Variants in TLCD4 observed in about 807,000 individuals in gnomAD.
TLCD4 encodes TLC domain containing 4, also known as TLC domain-containing protein 4.
TLCD4 carries 7 observed loss-of-function variants against 24.2 expected under a neutral mutation model. That is an observed-to-expected ratio of 0.29 (90% CI 0.16 to 0.54). The LOEUF is 0.54. Among genes scored for constraint, TLCD4 ranks in the 20% least tolerant of loss-of-function variants. The pLI, the probability that TLCD4 is intolerant of heterozygous loss-of-function variation, is 0.95. For missense variants in TLCD4, 259 were observed against 313.9 expected (o/e 0.82, Z 1.32); for synonymous variants, 103 against 106.4 (o/e 0.97, Z 0.20).
chr1:95,095,580 G>A, the TLCD4 span, among the ~76,000 whole-genome samples: 5 of 152,012 alleles, frequency 3.3e-5, no homozygotes, highest in African/African-American at 1.2e-4. Context: ...TGTATTTTTA[G>A]TAGAGACAGG....
chr1:95,098,929 C>T, the TLCD4 span, among the ~76,000 whole-genome samples: 100 of 151,568 alleles, frequency 6.6e-4, no homozygotes, highest in Admixed American at 2.6e-4. Flanking sequence ...GGTGTGGTGG[C>T]GCATGCCTGT....
In TLCD4 at chr1:95,186,478, C is replaced by T. The variant is rs377441277; in HGVS notation, c.474-5072C>T. 1.1e-4 allele frequency among the ~76,000 whole-genome samples: 16 copies of T among 151,938 alleles called. 1 individual carries two copies. The highest frequency in any genetic ancestry group is 8.5e-4 in the Admixed American group (13 of 15,248). Reference sequence around the variant, plus strand: ...GATTAGGTAGGAAAGGAAGTGAAAGCGTGGAGGCTGATAGAGAGAGATTTG... The same window carrying T: ...GATTAGGTAGGAAAGGAAGTGAAAGTGTGGAGGCTGATAGAGAGAGATTTG... On this transcript the variant is annotated intron_variant, in intron 6 of 6. Coordinates refer to ENST00000370203, the MANE Select transcript of TLCD4 (RefSeq NM_152487.3).
chr1:95,172,037 A>G (rs1253960657), intron 5 of TLCD4, among the ~76,000 whole-genome samples: 1 of 152,224 alleles, frequency 6.6e-6, no homozygotes, highest in Non-Finnish European at 1.5e-5. Flanking sequence ...AAGGAACTGC[A>G]GGAAGCTGGC....
At position 95,197,050 on chromosome 1, in the gene TLCD4, G is replaced by C. The variant is rs956595397; in HGVS notation, c.*5182G>C. Reference sequence around the variant, plus strand: ...AAATAGAACTATAGTGATATATATAGATACATAGATATATACTTTTTTCTG... The same window carrying C: ...AAATAGAACTATAGTGATATATATACATACATAGATATATACTTTTTTCTG... On this transcript the variant is annotated 3_prime_UTR_variant, in exon 7 of 7. Coordinates refer to ENST00000370203, the MANE Select transcript of TLCD4 (RefSeq NM_152487.3). 1 of 151,980 alleles carries C rather than the reference G, an allele frequency of 6.6e-6. No homozygotes were observed. The highest frequency in any genetic ancestry group is 1.5e-5 in the Non-Finnish European group (1 of 67,990). 9.4% of individuals were successfully genotyped at this position (151,980 alleles called of 1,614,324 possible).
chr1:95,106,807 C>T, the TLCD4 span, among the ~76,000 whole-genome samples: 16 of 152,154 alleles, frequency 1.1e-4, no homozygotes, highest in Non-Finnish European at 1.9e-4. Flanking sequence ...TTTTCAAAAC[C>T]GTTACTTGCT....
At chr1:95,142,604 G>C (rs1677234830) in intron 1 of TLCD4, among the ~76,000 whole-genome samples, 1 of 152,110 alleles carries the variant, frequency 6.6e-6, no homozygotes, top group African/African-American at 2.4e-5. Context: ...TTAAATACCT[G>C]CTACAGGTTT....
intron 4 of TLCD4, among the ~76,000 whole-genome samples, chr1:95,150,687 T>A (rs1400866811): frequency 6.6e-6 from 1 of 152,118 alleles, no homozygotes; most frequent in Non-Finnish European, 1.5e-5. Context: ...TTTCTTTGTT[T>A]TTCTTTTTAA....
chr1:95,129,713 G>T (rs1156265060), intron 1 of TLCD4, among the ~76,000 whole-genome samples: 1 of 152,186 alleles, frequency 6.6e-6, no homozygotes, highest in East Asian at 1.9e-4. Flanking sequence ...TTGCACTCCA[G>T]CCTGGGCAAC....
At chr1:95,177,632 G>A (rs1678478247) in intron 6 of TLCD4, among the ~76,000 whole-genome samples, 1 of 152,010 alleles carries the variant, frequency 6.6e-6, no homozygotes, top group South Asian at 2.1e-4. Flanking sequence ...AACCTGTGAG[G>A]TCTCTAAGTG....
chr1:95,148,380 G>T (rs7532269), intron 2 of TLCD4, among the ~76,000 whole-genome samples: 149,745 of 152,326 alleles, frequency 0.98, 73,649 homozygotes, highest in East Asian at 1. Context: ...TTGCCATCTG[G>T]CTGCACAAAA....
rs969434619 is a variant in TLCD4, at chr1:95,192,518, A to T, written c.*650A>T. Reference sequence around the variant, plus strand: ...ATGATAATCTGGTACAAATGGTTTTATGTCACCAATTTTGCTGCAAGAATG... The same window carrying T: ...ATGATAATCTGGTACAAATGGTTTTTTGTCACCAATTTTGCTGCAAGAATG... On this transcript the variant is annotated 3_prime_UTR_variant, in exon 7 of 7. Coordinates refer to ENST00000370203, the MANE Select transcript of TLCD4 (RefSeq NM_152487.3). 1 of 152,198 alleles carries T rather than the reference A, an allele frequency of 6.6e-6. No individual in the cohort carries two copies. Among genetic ancestry groups the T allele is most frequent in the African/African-American group, 2.4e-5 (1 of 41,460 alleles). The allele number at this position is 152,198 out of a possible 1,614,324, so 9.4% of individuals were successfully genotyped here.
intron 6 of TLCD4, 98 bp from the exon 7 acceptor site, chr1:95,191,452 C>T (rs1488227271): frequency 2.8e-6 from 4 of 1,436,468 alleles, no homozygotes; most frequent in Non-Finnish European, 3.7e-6. Flanking sequence ...GCCCTTTGCT[C>T]CTCCTTCACT....
intron 5 of TLCD4, among the ~76,000 whole-genome samples, chr1:95,159,499 C>A (rs1677722989): frequency 6.6e-6 from 1 of 152,134 alleles, no homozygotes; most frequent in Admixed American, 6.6e-5. Flanking sequence ...TGCAGAAGCT[C>A]TTTAGTTTAA....
the TLCD4 span, among the ~76,000 whole-genome samples, chr1:95,096,772 T>A: frequency 2.6e-5 from 4 of 152,186 alleles, no homozygotes; most frequent in African/African-American, 9.7e-5. Flanking sequence ...TCCTTTTTGA[T>A]ATAGCAGTGC....
chr1:95,145,681 C>T (rs182175913), intron 2 of TLCD4, among the ~76,000 whole-genome samples: 3 of 152,228 alleles, frequency 2.0e-5, no homozygotes, highest in Admixed American at 6.5e-5. Context: ...TTCATTTCCT[C>T]TTTCCTGTGG....
chr1:95,135,948 T>C (rs1677029619), intron 1 of TLCD4, among the ~76,000 whole-genome samples: 1 of 152,144 alleles, frequency 6.6e-6, no homozygotes, highest in South Asian at 2.1e-4. Context: ...TCTTGAACTC[T>C]TGGGCTCAGG....
intron 1 of TLCD4, among the ~76,000 whole-genome samples, chr1:95,142,271 T>C (rs969652350): frequency 2.1e-5 from 3 of 145,006 alleles, no homozygotes; most frequent in African/African-American, 7.6e-5. Context: ...TGTTAAGACC[T>C]GAAGCTCTTT....
Position 95,151,507 on chromosome 1 carries a change from C to T in TLCD4, c.399+88C>T. On this transcript the variant is annotated intron_variant, in intron 5 of 6. Transcript: ENST00000370203. The stretch of plus-strand genomic sequence containing the variant: ...TGAACATAAATCTAAACATACAATT[C>T]TTAGTTTTTAAAGACCATCTCCAGA... 2.0e-6 allele frequency: 3 copies of T among 1,483,852 alleles called. No individual in the cohort carries two copies. In the African/African-American group the frequency reaches 4.2e-5, roughly 21 times the overall value. The allele number at this position is 1,483,852 out of a possible 1,614,324, so 91.9% of individuals were successfully genotyped here.
the TLCD4 span, among the ~76,000 whole-genome samples, chr1:95,095,091 A>G: frequency 6.6e-6 from 1 of 152,246 alleles, no homozygotes; most frequent in African/African-American, 2.4e-5. Flanking sequence ...TGAAGGTTAA[A>G]TGACATAACA....
Sources: gnomAD v4.1 joint callset for allele counts (sites outside exome capture counted in the v4.1 genomes callset) on GRCh38, gnomAD v4.1.1 for gene constraint, MANE v1.5 for transcripts, NCBI Gene and HGNC (gene_info 2026-07-23, HGNC 2026-07-21) for gene names.